The following SIDT1 variants were observed in gnomAD, a reference collection of about 807,000 sequenced individuals.
SIDT1 encodes the protein SID1 transmembrane family member 1, also known as SID1 transmembrane family, member 1.
Under a neutral mutation model 107.5 loss-of-function variants are expected in SIDT1, and 101 were observed. That is an observed-to-expected ratio of 0.94 (90% CI 0.80 to 1.11). The LOEUF is 1.11. Among genes scored for constraint, SIDT1 ranks in the 50% least tolerant of loss-of-function variants. The probability of loss-of-function intolerance (pLI) is 0.00; values close to 1 mark genes in which losing one functional copy is unlikely to be tolerated. For synonymous variants in SIDT1, 395 were observed against 398.2 expected, an observed-to-expected ratio of 0.99 and a Z score of 0.10; for missense variants, 1,076 against 1,058.2, an observed-to-expected ratio of 1.02 and a Z score of -0.23.
chr3:113,567,469 C>CT (rs1454839339), intron 2 of SIDT1, 71 bp from the exon 3 acceptor site: 1 of 1,306,770 alleles, frequency 7.7e-7, no homozygotes, highest in East Asian at 2.4e-5. Flanking sequence ...AGATAGGCTC[C>CT]TTTCCCTGCT....
chr3:113,595,209 T>C (rs375717220), intron 10 of SIDT1, among the ~76,000 whole-genome samples: 5 of 152,326 alleles, frequency 3.3e-5, no homozygotes, highest in Admixed American at 1.3e-4. Flanking sequence ...CTGTATCTTA[T>C]AGGATGTTTA....
chr3:113,569,681 G>C (rs972550011), intron 3 of SIDT1, among the ~76,000 whole-genome samples: 1 of 152,066 alleles, frequency 6.6e-6, no homozygotes, highest in African/African-American at 2.4e-5. Flanking sequence ...TGTTGAAAAA[G>C]GTGACATGAT....
chr3:113,623,399 G>GCTGCCCACATTTCTCCCACGC (rs1285928308), intron 21 of SIDT1, 28 bp from the exon 22 acceptor site: 1 of 1,479,648 alleles, frequency 6.8e-7, no homozygotes, highest in Admixed American at 1.7e-5. Context: ...CACCTTCACG[G>GCTGCCCACATTTCTCCCACGC]CTGCCCACAT....
chr3:113,580,271 C>A (rs1224871557), intron 4 of SIDT1, among the ~76,000 whole-genome samples: 2 of 152,186 alleles, frequency 1.3e-5, no homozygotes, highest in African/African-American at 2.4e-5. Flanking sequence ...ATCTCACTTA[C>A]CCTTAATTTA....
intron 9 of SIDT1, among the ~76,000 whole-genome samples, chr3:113,585,695 A>C (rs1943693647): frequency 2.0e-5 from 3 of 152,194 alleles, no homozygotes; most frequent in Admixed American, 2.0e-4. Context: ...CCTAAAATAA[A>C]TCTTGAGGTG....
At chr3:113,607,627 C>T (rs1945433184) in intron 15 of SIDT1, among the ~76,000 whole-genome samples, 1 of 152,214 alleles carries the variant, frequency 6.6e-6, no homozygotes, top group South Asian at 2.1e-4. Flanking sequence ...CCTCTTGCTC[C>T]AGAGCTGAAC....
chr3:113,601,157 T>A (rs1436460619), intron 10 of SIDT1, among the ~76,000 whole-genome samples: 1 of 152,248 alleles, frequency 6.6e-6, no homozygotes, highest in Non-Finnish European at 1.5e-5. Context: ...TAATTATTTT[T>A]CTTTATGGGG....
chr3:113,539,800 C>G (rs1213990054), intron 1 of SIDT1, among the ~76,000 whole-genome samples: 1 of 151,990 alleles, frequency 6.6e-6, no homozygotes, highest in Non-Finnish European at 1.5e-5. Context: ...GTCATGAGTT[C>G]GAGACCAGCC....
At chr3:113,592,406 A>G (rs1944224679) in intron 9 of SIDT1, among the ~76,000 whole-genome samples, 1 of 152,198 alleles carries the variant, frequency 6.6e-6, no homozygotes, top group Non-Finnish European at 1.5e-5. Flanking sequence ...GAATGAATAA[A>G]TGATGTATAT....
intron 7 of SIDT1, among the ~76,000 whole-genome samples, chr3:113,584,002 T>C (rs945452897): frequency 2.0e-5 from 3 of 152,192 alleles, no homozygotes; most frequent in Non-Finnish European, 4.4e-5. Context: ...ATCCCAATAA[T>C]AAGGGGTTAT....
chr3:113,604,926 G>A lies in SIDT1; in HGVS notation c.1354G>A (p.Ala452Thr). The change falls in exon 14 of 25, where the codon GCT becomes ACT. Residue 452 changes from alanine (A) to threonine (T), a missense_variant. Coordinates refer to ENST00000264852, the MANE Select transcript of SIDT1 (RefSeq NM_017699.3). ...CCTGCATAGGAACATCATCACCATT[G>A]CTGTGTTTTACGCGCTGCCCGTGAT... is the stretch of plus-strand genomic sequence containing the variant. ...KIYFWNIITI[A>T]VFYALPVIQL... is the part of the protein sequence containing the mutation. 6.2e-7 allele frequency: 1 copy of A among 1,613,988 alleles called. No individual in the cohort carries two copies. The highest frequency in any genetic ancestry group is 1.3e-5 in the African/African-American group (1 of 75,006).
At chr3:113,568,931 C>T (rs139393711) in intron 3 of SIDT1, among the ~76,000 whole-genome samples, 19 of 151,750 alleles carry the variant, frequency 1.3e-4, no homozygotes, top group African/African-American at 4.1e-4. Flanking sequence ...GTCAGGAGAG[C>T]GAGACCAGCC....
chr3:113,604,997 A>T (rs1295745594), intron 14 of SIDT1, 21 bp downstream of exon 14: 1 of 1,613,418 alleles, frequency 6.2e-7, no homozygotes, highest in South Asian at 1.1e-5. Context: ...CCCCAGCCCC[A>T]GCCCCAGAGT....
chr3:113,633,384 T>C (rs1330782943), downstream of SIDT1, among the ~76,000 whole-genome samples: 2 of 152,136 alleles, frequency 1.3e-5, no homozygotes, highest in Non-Finnish European at 2.9e-5. Context: ...AATAATTATG[T>C]GGATGGAACA....
At position 113,585,206 on chromosome 3, in the gene SIDT1, A is replaced by T; in HGVS notation, c.937A>T (p.Ser313Cys). The T allele has an allele frequency of 6.2e-7, 1 of 1,613,528 alleles. No individual in the cohort carries two copies. The highest frequency in any genetic ancestry group is 8.5e-7 in the Non-Finnish European group (1 of 1,179,634). The change falls in exon 9 of 25, where the codon AGT becomes TGT. Residue 313 changes from serine to cysteine, a missense_variant. Physicochemically the swap from Ser to Cys is moderately radical, Grantham distance 112 (BLOSUM62 -1). Transcript: ENST00000264852. ...ESVYVKSSLF[S>C]VFIFLSFYLG... is the part of the protein sequence containing the mutation. ...TGTTTATGTGAAATCCAGTCTTTTC[A>T]GTGTCTTCATCTTCCTGTCCTTCTA...
At chr3:113,576,863 A>G (rs1284153324) in intron 3 of SIDT1, 59 bp from the exon 4 acceptor site, 1 of 1,547,794 alleles carries the variant, frequency 6.5e-7, no homozygotes, top group Non-Finnish European at 8.9e-7. Context: ...ATTTTTGCTC[A>G]CTAACTTATG....
At chr3:113,535,807 CT>C (rs1448132616) in intron 1 of SIDT1, among the ~76,000 whole-genome samples, 2 of 152,210 alleles carry the variant, frequency 1.3e-5, no homozygotes, top group Non-Finnish European at 2.9e-5. Context: ...TCAAAAGCCA[CT>C]TATTGTGGGA....
At chr3:113,586,662 A>G (rs938688354) in intron 9 of SIDT1, among the ~76,000 whole-genome samples, 1 of 152,224 alleles carries the variant, frequency 6.6e-6, no homozygotes, top group Non-Finnish European at 1.5e-5. Context: ...GATATACAGT[A>G]AGAAATCAAA....
chr3:113,571,486 G>GCACACACACACACACACACACACA lies in SIDT1; in HGVS notation c.515+3777_515+3800dup, dbSNP rs60256247. ...GCTTGGTGCCATCTACCTATCCTCT[G>GCACACACACACACACACACACACA]CACACACACACACACACACACACAT... On this transcript the variant is annotated intron_variant, in intron 3 of 24. Transcript: ENST00000264852. 3.3e-3 allele frequency among the ~76,000 whole-genome samples: 488 copies of GCACACACACACACACACACACACA among 148,918 alleles called. 8 individuals are homozygous for GCACACACACACACACACACACACA. Among genetic ancestry groups the GCACACACACACACACACACACACA allele is most frequent in the East Asian group, 0.017 (83 of 4,918 alleles).
Sources: allele counts gnomAD v4.1 joint callset (sites outside exome capture counted in the v4.1 genomes callset), GRCh38; gene constraint gnomAD v4.1.1; transcripts MANE v1.5; gene names NCBI Gene and HGNC (gene_info 2026-07-23, HGNC 2026-07-21).